The following MFHAS1 variants were observed in gnomAD, a reference collection of about 807,000 sequenced individuals.
MFHAS1 encodes multifunctional ROCO family signaling regulator 1.
In MFHAS1, 50 loss-of-function variants were observed where a neutral mutation model predicts 70.4. The observed-to-expected ratio is 0.71, with a 90% CI of 0.57 to 0.90. MFHAS1 has a LOEUF of 0.90. Among genes scored for constraint, MFHAS1 ranks in the 40% least tolerant of loss-of-function variants. The pLI is 0.00. For missense variants in MFHAS1, 1,795 were observed against 1,347.6 expected (o/e 1.33, Z -5.20); for synonymous variants, 952 against 620.0 (o/e 1.54, Z -7.96).
chr8:8,842,112 G>C (rs1315211506), intron 1 of MFHAS1, among the ~76,000 whole-genome samples: 1 of 152,164 alleles, frequency 6.6e-6, no homozygotes, highest in South Asian at 2.1e-4. Context: ...AGGTTTTCAA[G>C]GGAAGTCCTG....
intron 1 of MFHAS1, among the ~76,000 whole-genome samples, chr8:8,853,690 C>T (rs12674494): frequency 6.6e-6 from 1 of 152,184 alleles, no homozygotes; most frequent in African/African-American, 2.4e-5. Flanking sequence ...TCTCAGCCTC[C>T]TGAGTAGCTG....
intron 1 of MFHAS1, 25 bp from the exon 2 acceptor site, chr8:8,797,516 G>C (rs1217404052): frequency 1.1e-5 from 18 of 1,604,736 alleles, no homozygotes; most frequent in Non-Finnish European, 1.5e-5. Flanking sequence ...AGAAAAACGT[G>C]TTAGGGAGAT....
At chr8:8,832,181 A>G (rs2117326094) in intron 1 of MFHAS1, among the ~76,000 whole-genome samples, 1 of 147,886 alleles carries the variant, frequency 6.8e-6, no homozygotes, top group Non-Finnish European at 1.5e-5. Flanking sequence ...CTTGAGAGGG[A>G]CAGAAAGAAA....
Position 8,890,826 on chromosome 8 carries a change from G to C in MFHAS1, c.2233C>G (p.Pro745Ala). 6.2e-7 allele frequency: 1 copy of C among 1,614,230 alleles called. No homozygotes were observed. Among genetic ancestry groups the C allele is most frequent in the Middle Eastern group, 1.6e-4 (1 of 6,062 alleles). Residue 745 changes from proline to alanine, a missense_variant, in exon 1 of 3, where the codon CCC becomes GCC. Physicochemically the swap from Pro to Ala is conservative, Grantham distance 27. Transcript: ENST00000276282. ...DILNVFFQRD[P>A]SLLLHKLLLG... Reference sequence around the variant, plus strand: ...AGCAGCTTATGCAGCAGCAAAGAGGGATCCCTCTGGAAGAAGACATTGAGG... The same window carrying C: ...AGCAGCTTATGCAGCAGCAAAGAGGCATCCCTCTGGAAGAAGACATTGAGG...
intron 1 of MFHAS1, among the ~76,000 whole-genome samples, chr8:8,841,062 A>C (rs1329645053): frequency 6.6e-6 from 1 of 152,210 alleles, no homozygotes; most frequent in Non-Finnish European, 1.5e-5. Flanking sequence ...AAATAATAAA[A>C]TGTAGGGCAA....
At chr8:8,808,925 G>A (rs1806440762) in intron 1 of MFHAS1, among the ~76,000 whole-genome samples, 1 of 152,140 alleles carries the variant, frequency 6.6e-6, no homozygotes, top group South Asian at 2.1e-4. Flanking sequence ...ACAGAGGGAG[G>A]TGAGTGGTAG....
At chr8:8,884,259 T>C (rs905219048) in intron 1 of MFHAS1, among the ~76,000 whole-genome samples, 1 of 152,150 alleles carries the variant, frequency 6.6e-6, no homozygotes, top group African/African-American at 2.4e-5. Context: ...AGTATTTGTT[T>C]ATCCTAGTGC....
At chr8:8,837,042 G>A (rs762795759) in intron 1 of MFHAS1, among the ~76,000 whole-genome samples, 73 of 152,324 alleles carry the variant, frequency 4.8e-4, no homozygotes, top group Non-Finnish European at 9.7e-4. Flanking sequence ...ATTGGGACGT[G>A]CAATGGCGGA....
chr8:8,849,464 C>T (rs1167587507), intron 1 of MFHAS1, among the ~76,000 whole-genome samples: 4 of 152,198 alleles, frequency 2.6e-5, no homozygotes, highest in African/African-American at 7.2e-5. Context: ...GCCTTCACCA[C>T]CCCACATGTG....
intron 1 of MFHAS1, among the ~76,000 whole-genome samples, chr8:8,850,270 A>G (rs1011806631): frequency 6.6e-6 from 1 of 152,232 alleles, no homozygotes; most frequent in African/African-American, 2.4e-5. Context: ...TCTTTCATTC[A>G]TTAAAATGCA....
chr8:8,823,415 G>C (rs975764396), intron 1 of MFHAS1, among the ~76,000 whole-genome samples: 4 of 152,100 alleles, frequency 2.6e-5, no homozygotes, highest in African/African-American at 9.7e-5. Flanking sequence ...CTGGTGCTGC[G>C]CTAACTCCCT....
At chr8:8,887,724 C>T (rs1809821695) in intron 1 of MFHAS1, among the ~76,000 whole-genome samples, 1 of 151,538 alleles carries the variant, frequency 6.6e-6, no homozygotes, top group Non-Finnish European at 1.5e-5. Flanking sequence ...GATTGCAAAA[C>T]CAGGTGTGCC....
chr8:8,790,476 G>T, intron 2 of MFHAS1: 1 of 598,554 alleles, frequency 1.7e-6, no homozygotes, highest in Non-Finnish European at 2.1e-6. Context: ...TGTGGCTGAC[G>T]GGAGACTAAA....
chr8:8,858,607 G>C (rs1808539677), intron 1 of MFHAS1, among the ~76,000 whole-genome samples: 1 of 151,996 alleles, frequency 6.6e-6, no homozygotes, highest in Admixed American at 6.6e-5. Context: ...GGCCTCACAG[G>C]TAAAAAACAA....
At chr8:8,840,000 G>A (rs1807742929) in intron 1 of MFHAS1, among the ~76,000 whole-genome samples, 1 of 152,146 alleles carries the variant, frequency 6.6e-6, no homozygotes, top group African/African-American at 2.4e-5. Flanking sequence ...CTTAATTCTA[G>A]TAAATGGATA....
At chr8:8,828,925 G>T (rs547531753) in intron 1 of MFHAS1, among the ~76,000 whole-genome samples, 70 of 152,166 alleles carry the variant, frequency 4.6e-4, no homozygotes, top group African/African-American at 1.4e-3. Flanking sequence ...TTTAGATCAG[G>T]CTCTGTCAAT....
chr8:8,793,369 G>A (rs748925153), intron 2 of MFHAS1, among the ~76,000 whole-genome samples: 4 of 152,206 alleles, frequency 2.6e-5, no homozygotes, highest in Non-Finnish European at 5.9e-5. Context: ...AAGACAGGCA[G>A]TTAAATGACA....
intron 1 of MFHAS1, among the ~76,000 whole-genome samples, chr8:8,867,271 A>G (rs959824197): frequency 1.3e-5 from 2 of 152,116 alleles, no homozygotes; most frequent in Non-Finnish European, 2.9e-5. Flanking sequence ...CACCATATAA[A>G]CTTTTTGTTA....
At chr8:8,788,571 C>T (rs1342959702) in intron 2 of MFHAS1, among the ~76,000 whole-genome samples, 8 of 152,046 alleles carry the variant, frequency 5.3e-5, no homozygotes, top group African/African-American at 1.7e-4. Flanking sequence ...CCCAGCTACT[C>T]GGGGGGCTGA....
Sources: allele counts gnomAD v4.1 joint callset (sites outside exome capture counted in the v4.1 genomes callset), GRCh38; gene constraint gnomAD v4.1.1; transcripts MANE v1.5; gene names NCBI Gene and HGNC (gene_info 2026-07-23, HGNC 2026-07-21).